PM20D2: variants seen among roughly 807,000 people sequenced by gnomAD.
The protein encoded by PM20D2 is peptidase M20 domain containing 2.
Under a neutral mutation model 42.9 loss-of-function variants are expected in PM20D2, and 33 were observed. The observed-to-expected ratio is 0.77, with a 90% CI of 0.58 to 1.03. The LOEUF (loss-of-function observed/expected upper bound fraction) is 1.03, where lower values mean the gene tolerates loss of function less well. Ranked by LOEUF, PM20D2 falls within the 50% of genes least tolerant of loss-of-function variation. The probability of loss-of-function intolerance (pLI) is 0.00; values close to 1 mark genes in which losing one functional copy is unlikely to be tolerated. For synonymous variants in PM20D2, 250 were observed against 228.2 expected (o/e 1.10, Z -0.86); for missense variants, 548 against 557.0 (o/e 0.98, Z 0.16).
chr6:89,149,135 A>G, intron 1 of PM20D2, 130 bp from the exon 2 acceptor site: 2 of 1,173,844 alleles, frequency 1.7e-6, no homozygotes, highest in Non-Finnish European at 2.4e-6. Flanking sequence ...CGTAAGCGTC[A>G]TAGAACAAAA....
chr6:89,142,650 A>AATT (rs555552169), upstream of PM20D2, among the ~76,000 whole-genome samples: 1,880 of 151,672 alleles, frequency 0.012, 25 homozygotes, highest in Non-Finnish European at 0.016. Context: ...TTTCCCCCAC[A>AATT]ATTATTATTA....
the PM20D2 span, among the ~76,000 whole-genome samples, chr6:89,124,420 T>C: frequency 6.6e-6 from 1 of 152,202 alleles, no homozygotes; most frequent in African/African-American, 2.4e-5. Flanking sequence ...TAGACACGTA[T>C]GTAAATAAGT....
the PM20D2 span, among the ~76,000 whole-genome samples, chr6:89,115,977 A>C: frequency 2.0e-5 from 3 of 152,192 alleles, 1 homozygote; most frequent in South Asian, 6.2e-4. Flanking sequence ...GCATCTAAAG[A>C]CTAAGATTAC....
Position 89,162,346 on chromosome 6 carries a change from T to C in PM20D2, c.*83T>C, listed in dbSNP as rs1239829117. ...CTTTTAATGAAGGCATGCTTGTTTT[T>C]TAATCTTAAAGGAGTAAAATTCTTT... On this transcript the variant is annotated 3_prime_UTR_variant, in exon 7 of 7. Transcript: ENST00000275072. 1 of 1,374,970 alleles carries C rather than the reference T, an allele frequency of 7.3e-7. No homozygotes were observed. Among genetic ancestry groups the C allele is most frequent in the Non-Finnish European group, 9.9e-7 (1 of 1,012,240 alleles). 85.2% of individuals were successfully genotyped at this position (1,374,970 alleles called of 1,614,324 possible). A position where few individuals can be genotyped will look rare whatever the true frequency, so the allele number is the denominator to read the frequency against.
the PM20D2 span, among the ~76,000 whole-genome samples, chr6:89,140,805 T>G: frequency 6.6e-6 from 1 of 152,156 alleles, no homozygotes; most frequent in South Asian, 2.1e-4. Flanking sequence ...CCTCAGGTCA[T>G]CAGGTACCAG....
the PM20D2 span, among the ~76,000 whole-genome samples, chr6:89,123,455 T>A: frequency 6.6e-6 from 1 of 152,148 alleles, no homozygotes; most frequent in Admixed American, 6.5e-5. Context: ...GCACAGTTGC[T>A]CATGCCTGTA....
the PM20D2 span, among the ~76,000 whole-genome samples, chr6:89,113,183 A>AT: frequency 8.8e-3 from 1,330 of 151,092 alleles, 27 homozygotes; most frequent in African/African-American, 0.03. Flanking sequence ...CCAATGATTT[A>AT]TTTTTTTTTG....
chr6:89,132,848 GAAAGT>G, the PM20D2 span, among the ~76,000 whole-genome samples: 1 of 150,098 alleles, frequency 6.7e-6, no homozygotes, highest in African/African-American at 2.5e-5. Context: ...AAGAAAAAAA[GAAAGT>G]AAAGACTTTT....
chr6:89,153,132 A>G lies in PM20D2; in HGVS notation c.704A>G (p.Tyr235Cys), dbSNP rs146846358. The G allele has an allele frequency of 2.5e-6, 4 of 1,612,226 alleles. No individual in the cohort carries two copies. The highest frequency in any genetic ancestry group is 3.4e-5 in the Admixed American group (2 of 59,630). The part of the protein sequence containing the change: ...LNALDAAVLA[Y>C]NNLSVFRQQM... ...GCATTAGATGCTGCTGTGCTGGCCTATAACAATCTGTCTGTGTTCAGACAG... is the reference window on the plus strand; with the variant it reads ...GCATTAGATGCTGCTGTGCTGGCCTGTAACAATCTGTCTGTGTTCAGACAG... The change falls in exon 3 of 7, where the codon TAT (tyrosine) becomes TGT (cysteine). Residue 235 changes from tyrosine (Y) to cysteine (C), a missense_variant. Coordinates refer to ENST00000275072, the MANE Select transcript of PM20D2 (RefSeq NM_001010853.3).
chr6:89,143,155 G>A (rs1370017417), upstream of PM20D2, among the ~76,000 whole-genome samples: 3 of 151,936 alleles, frequency 2.0e-5, no homozygotes, highest in South Asian at 2.1e-4. Flanking sequence ...CCATGTTGGG[G>A]ATTTTATTTT....
chr6:89,098,965 G>A, the PM20D2 span: 131 of 1,593,310 alleles, frequency 8.2e-5, no homozygotes, highest in Non-Finnish European at 1.1e-4. Context: ...CATCCATAAT[G>A]TTAGAGCATA....
chr6:89,114,852 A>G, the PM20D2 span, among the ~76,000 whole-genome samples: 1 of 152,114 alleles, frequency 6.6e-6, no homozygotes, highest in Non-Finnish European at 1.5e-5. Flanking sequence ...GCTGGAGTGC[A>G]ATGGTACTAT....
chr6:89,127,486 A>G, the PM20D2 span, among the ~76,000 whole-genome samples: 2 of 152,104 alleles, frequency 1.3e-5, no homozygotes, highest in Non-Finnish European at 1.5e-5. Context: ...TGTGCCGCCA[A>G]GCCTGGCTAA....
At chr6:89,128,354 A>C in the PM20D2 span, among the ~76,000 whole-genome samples, 1 of 152,166 alleles carries the variant, frequency 6.6e-6, no homozygotes, top group Non-Finnish European at 1.5e-5. Context: ...CCTCAGGCTT[A>C]TTAGGGTGGG....
the PM20D2 span, among the ~76,000 whole-genome samples, chr6:89,099,437 T>TACACAC: frequency 3.8e-5 from 5 of 131,606 alleles, no homozygotes; most frequent in Admixed American, 1.6e-4. Context: ...TGTGTATATA[T>TACACAC]ATACACATAT....
At chr6:89,116,701 G>A in the PM20D2 span, among the ~76,000 whole-genome samples, 2 of 151,992 alleles carry the variant, frequency 1.3e-5, no homozygotes, top group African/African-American at 2.4e-5. Context: ...CTTGAACCCG[G>A]GAGGCAGAGG....
At chr6:89,160,582 A>G (rs1421282315) in intron 5 of PM20D2, among the ~76,000 whole-genome samples, 1 of 152,234 alleles carries the variant, frequency 6.6e-6, no homozygotes, top group Non-Finnish European at 1.5e-5. Context: ...GATTTATTCA[A>G]CAAGTGCCTG....
chr6:89,117,746 G>A, the PM20D2 span: 2 of 1,407,846 alleles, frequency 1.4e-6, no homozygotes, highest in East Asian at 3.1e-5. Context: ...CCTCCGCCGG[G>A]CCTCGGCCGT....
At chr6:89,117,421 G>T in the PM20D2 span, among the ~76,000 whole-genome samples, 1 of 152,184 alleles carries the variant, frequency 6.6e-6, no homozygotes, top group Non-Finnish European at 1.5e-5. Flanking sequence ...GGATGCGCGC[G>T]ATTTTATCGG....
Sources: allele counts gnomAD v4.1 joint callset (sites outside exome capture counted in the v4.1 genomes callset), GRCh38; gene constraint gnomAD v4.1.1; transcripts MANE v1.5; gene names NCBI Gene and HGNC (gene_info 2026-07-23, HGNC 2026-07-21).